The following DCT variants were observed in gnomAD, a reference collection of about 807,000 sequenced individuals.
DCT encodes dopachrome tautomerase.
In DCT, 47 loss-of-function variants were observed where a neutral mutation model predicts 53.0. The observed-to-expected ratio is 0.89, with a 90% CI of 0.70 to 1.13. The LOEUF is 1.13. DCT is among the 50% of genes most tolerant of loss of function. The pLI is 0.00. For missense variants in DCT, 669 were observed against 637.4 expected, an observed-to-expected ratio of 1.05 and a Z score of -0.53; for synonymous variants, 244 against 237.0, an observed-to-expected ratio of 1.03 and a Z score of -0.27.
upstream of DCT, among the ~76,000 whole-genome samples, chr13:94,484,599 A>G (rs1011005237): frequency 6.6e-6 from 1 of 152,214 alleles, no homozygotes; most frequent in Non-Finnish European, 1.5e-5. Flanking sequence ...AGGCATGGGC[A>G]GGGTTGGATT....
chr13:94,466,105 G>T (rs1354050387), intron 3 of DCT, among the ~76,000 whole-genome samples: 1 of 147,880 alleles, frequency 6.8e-6, no homozygotes, highest in African/African-American at 2.5e-5. Flanking sequence ...AGAAGACATT[G>T]TGCCAACTGA....
rs754504263 is a variant in DCT, at chr13:94,479,295, C to T, written c.-40G>A. On this transcript the variant is annotated 5_prime_UTR_variant, in exon 1 of 8. Transcript: ENST00000377028. ...GAGAGCTCTCTCTCTCTCTTACTTTCCTTGTCTCTGTCGTACTTTTCTCCT... is the reference window on the plus strand; with the variant it reads ...GAGAGCTCTCTCTCTCTCTTACTTTTCTTGTCTCTGTCGTACTTTTCTCCT... 27 of 1,491,444 alleles carry T rather than the reference C, an allele frequency of 1.8e-5. No homozygotes were observed. The South Asian group carries it at 3.6e-4, about 20-fold the overall frequency. The allele number at this position is 1,491,444 out of a possible 1,614,324, so 92.4% of individuals were successfully genotyped here.
chr13:94,441,038 T>C (rs1325451282), intron 7 of DCT, among the ~76,000 whole-genome samples: 1 of 152,168 alleles, frequency 6.6e-6, no homozygotes, highest in Non-Finnish European at 1.5e-5. Flanking sequence ...AATTATATTC[T>C]CCTTGGCCAA....
At chr13:94,544,308 T>A in the DCT span, among the ~76,000 whole-genome samples, 1 of 152,272 alleles carries the variant, frequency 6.6e-6, no homozygotes, top group Non-Finnish European at 1.5e-5. Context: ...CCATAAACGG[T>A]GACTATCATT....
the DCT span, among the ~76,000 whole-genome samples, chr13:94,527,275 G>A: frequency 6.6e-6 from 1 of 152,212 alleles, no homozygotes; most frequent in African/African-American, 2.4e-5. Flanking sequence ...GAAGAGAGCA[G>A]TGGTTCTCTC....
chr13:94,532,533 A>G, the DCT span, among the ~76,000 whole-genome samples: 1 of 152,200 alleles, frequency 6.6e-6, no homozygotes, highest in Non-Finnish European at 1.5e-5. Flanking sequence ...AACTATCACG[A>G]GGACAGAAAA....
chr13:94,530,192 C>T, the DCT span, among the ~76,000 whole-genome samples: 15 of 151,878 alleles, frequency 9.9e-5, no homozygotes, highest in Admixed American at 2.0e-4. Context: ...GATACACAGC[C>T]GAATTCTACC....
chr13:94,548,859 ACGTCTAGACC>A, the DCT span, among the ~76,000 whole-genome samples: 1 of 152,194 alleles, frequency 6.6e-6, no homozygotes. Context: ...ACAGAAAGGA[ACGTCTAGACC>A]CGTGGCTTGT....
chr13:94,466,490 T>C, intron 3 of DCT, 68 bp downstream of exon 3: 1 of 952,124 alleles, frequency 1.1e-6, no homozygotes, highest in Non-Finnish European at 1.5e-6. Context: ...ATTCACACTG[T>C]ATGCCTTAAA....
intron 6 of DCT, chr13:94,452,754 A>G: frequency 1.8e-6 from 1 of 568,906 alleles, no homozygotes; most frequent in Non-Finnish European, 3.1e-6. Flanking sequence ...AGAATACTAT[A>G]CAGCTATAAA....
At chr13:94,482,378 G>T (rs1227210647), upstream of DCT, among the ~76,000 whole-genome samples, 1 of 152,026 alleles carries the variant, frequency 6.6e-6, no homozygotes, top group East Asian at 1.9e-4. Flanking sequence ...TTCCACCTTG[G>T]CCTTTGTCTT....
the DCT span, among the ~76,000 whole-genome samples, chr13:94,547,662 T>C: frequency 6.6e-6 from 1 of 151,918 alleles, no homozygotes; most frequent in Non-Finnish European, 1.5e-5. Context: ...AGAAATGTGA[T>C]AGCTGGTGGC....
the DCT span, among the ~76,000 whole-genome samples, chr13:94,520,359 T>C: frequency 6.6e-6 from 1 of 152,202 alleles, no homozygotes; most frequent in African/African-American, 2.4e-5. Flanking sequence ...TCCTGAGAAA[T>C]GGCACACAAT....
the DCT span, among the ~76,000 whole-genome samples, chr13:94,516,865 A>C: frequency 0.35 from 52,947 of 151,898 alleles, 9,654 homozygotes; most frequent in East Asian, 0.61. Flanking sequence ...TTTTCTTTAT[A>C]AATTACCCAG....
chr13:94,464,334 G>C (rs1884017225), intron 4 of DCT, among the ~76,000 whole-genome samples: 1 of 152,172 alleles, frequency 6.6e-6, no homozygotes, highest in Non-Finnish European at 1.5e-5. Flanking sequence ...CAGAGCAGTG[G>C]GGTTAAAAAC....
intron 6 of DCT, chr13:94,445,891 GC>G (rs1882691842): frequency 4.7e-6 from 3 of 641,138 alleles, no homozygotes; most frequent in Non-Finnish European, 8.2e-6. Context: ...CTGTGGGGGG[GC>G]GGGGTGAAAT....
At chr13:94,464,006 G>C (rs9524500) in intron 4 of DCT, among the ~76,000 whole-genome samples, 23,691 of 152,180 alleles carry the variant, frequency 0.16, 1,981 homozygotes, top group South Asian at 0.24. Context: ...TTTAAACTCA[G>C]CCTTCTCTAA....
chr13:94,486,283 C>G, the DCT span, among the ~76,000 whole-genome samples: 1 of 152,154 alleles, frequency 6.6e-6, no homozygotes, highest in East Asian at 1.9e-4. Context: ...CTTTCCTTAC[C>G]TTTTGTTATC....
At chr13:94,454,450 T>A (rs1296797744) in intron 6 of DCT, among the ~76,000 whole-genome samples, 2 of 152,198 alleles carry the variant, frequency 1.3e-5, no homozygotes, top group African/African-American at 4.8e-5. Flanking sequence ...TTTTCTGGAT[T>A]ATATCTAAAT....
Sources: allele counts gnomAD v4.1 joint callset (sites outside exome capture counted in the v4.1 genomes callset), GRCh38; gene constraint gnomAD v4.1.1; transcripts MANE v1.5; gene names NCBI Gene and HGNC (gene_info 2026-07-23, HGNC 2026-07-21).